Variants in MCF2L2 observed in about 807,000 individuals in gnomAD.
MCF2L2 encodes the protein probable guanine nucleotide exchange factor MCF2L2.
MCF2L2 carries 102 observed loss-of-function variants against 150.2 expected under a neutral mutation model. That is an observed-to-expected ratio of 0.68 (90% CI 0.58 to 0.80). The LOEUF (loss-of-function observed/expected upper bound fraction) is 0.80. MCF2L2 is among the 30% of genes least tolerant of loss of function. The probability of loss-of-function intolerance (pLI) is 0.00; values close to 1 mark genes in which losing one functional copy is unlikely to be tolerated. For missense variants in MCF2L2, 1,256 were observed against 1,372.8 expected, an observed-to-expected ratio of 0.91 and a Z score of 1.34; for synonymous variants, 465 against 491.3, an observed-to-expected ratio of 0.95 and a Z score of 0.71.
chr3:183,231,016 G>T lies in MCF2L2; in HGVS notation c.1864C>A (p.Arg622Ser), dbSNP rs752647498. 1 of 1,612,238 alleles carries T rather than the reference G, an allele frequency of 6.2e-7. No individual in the cohort carries two copies. The highest frequency in any genetic ancestry group is 1.7e-5 in the Admixed American group (1 of 59,998). ...GTCTCAAGCAAGTCACGTATAATGC[G>T]CCTGAATCACAGCAGCAGGTGGGAG... ...ARLGDLSPRR[R>S]IIRDLLETEE... The change falls in exon 16 of 30, where the codon CGC (arginine) becomes AGC (serine). Residue 622 changes from arginine to serine, a missense_variant and splice_region_variant. Coordinates refer to ENST00000328913, the MANE Select transcript of MCF2L2 (RefSeq NM_015078.4).
chr3:183,186,472 T>A (rs1261477022), intron 27 of MCF2L2, among the ~76,000 whole-genome samples: 1 of 151,658 alleles, frequency 6.6e-6, no homozygotes, highest in Non-Finnish European at 1.5e-5. Context: ...TGCCTGTAAA[T>A]CTCAGCACTT....
chr3:183,306,911 G>C (rs1229988098), intron 10 of MCF2L2, among the ~76,000 whole-genome samples: 1 of 152,208 alleles, frequency 6.6e-6, no homozygotes, highest in Non-Finnish European at 1.5e-5. Context: ...TGGCCCCTCA[G>C]CAAGGGTCTC....
chr3:183,425,394 G>A (rs16857463), intron 1 of MCF2L2, among the ~76,000 whole-genome samples: 4,852 of 152,138 alleles, frequency 0.032, 257 homozygotes, highest in African/African-American at 0.11. Flanking sequence ...GATAGGACCC[G>A]GAGAATGTTC....
chr3:183,225,813 C>A (rs1276640086), intron 18 of MCF2L2: 2 of 152,212 alleles, frequency 1.3e-5, no homozygotes, highest in Non-Finnish European at 2.9e-5. Context: ...GCACTTTTTA[C>A]TTTATGGAAT....
At position 183,300,214 on chromosome 3, in the gene MCF2L2, AC is replaced by A. The variant is rs1420003045; in HGVS notation, c.1114-19del. ...AGGGGCTCCTGCAAAGTGAACACCC[AC>A]AGCCAGGCGTCAGAAGTCAGAGCAT... is the stretch of plus-strand genomic sequence containing the variant. On this transcript the variant is annotated intron_variant, in intron 10 of 29. Coordinates refer to ENST00000328913, the MANE Select transcript of MCF2L2 (RefSeq NM_015078.4). The A allele has an allele frequency of 6.3e-7, 1 of 1,585,948 alleles. No individual in the cohort carries two copies. The highest frequency in any genetic ancestry group is 8.5e-7 in the Non-Finnish European group (1 of 1,170,030).
intron 13 of MCF2L2, among the ~76,000 whole-genome samples, chr3:183,291,594 C>T (rs1406057321): frequency 6.6e-6 from 1 of 152,222 alleles, no homozygotes; most frequent in African/African-American, 2.4e-5. Flanking sequence ...CCCCTCCACA[C>T]ATCTTCTTTA....
intron 13 of MCF2L2, among the ~76,000 whole-genome samples, chr3:183,293,282 A>T (rs1206323010): frequency 6.6e-6 from 1 of 152,236 alleles, no homozygotes; most frequent in African/African-American, 2.4e-5. Flanking sequence ...TAATTATAAA[A>T]GAGCTAATAT....
At chr3:183,233,398 ATGTG>A (rs940112425) in intron 15 of MCF2L2, among the ~76,000 whole-genome samples, 6 of 150,928 alleles carry the variant, frequency 4.0e-5, no homozygotes, top group East Asian at 1.9e-4. Context: ...AGATAGATAT[ATGTG>A]TGTGTGTGTG....
At chr3:183,226,877 A>G (rs1723363956) in intron 18 of MCF2L2, 1 of 152,224 alleles carries the variant, frequency 6.6e-6, no homozygotes. Flanking sequence ...TGAGTATAAA[A>G]TAGTTTTCAG....
intron 10 of MCF2L2, 27 bp downstream of exon 10, chr3:183,309,689 A>C: frequency 1.2e-6 from 2 of 1,613,986 alleles, no homozygotes; most frequent in Middle Eastern, 1.7e-4. Context: ...CCTCCCTCCC[A>C]GTACACAAAA....
At chr3:183,202,573 T>C (rs1722326990) in intron 25 of MCF2L2, among the ~76,000 whole-genome samples, 1 of 152,240 alleles carries the variant, frequency 6.6e-6, no homozygotes, top group African/African-American at 2.4e-5. Flanking sequence ...TGTGCCCTAA[T>C]GTGCACACAG....
At chr3:183,303,614 G>A (rs1447568291) in intron 10 of MCF2L2, among the ~76,000 whole-genome samples, 2 of 152,044 alleles carry the variant, frequency 1.3e-5, no homozygotes, top group East Asian at 3.9e-4. Context: ...AGGGACCGTC[G>A]CCTTCTTAAT....
At chr3:183,220,774 G>C (rs1723119639) in intron 20 of MCF2L2, among the ~76,000 whole-genome samples, 1 of 152,038 alleles carries the variant, frequency 6.6e-6, no homozygotes, top group African/African-American at 2.4e-5. Flanking sequence ...GATAACTAGA[G>C]GTGTAGAACT....
Position 183,358,927 on chromosome 3 carries a change from A to T in MCF2L2, c.276-17297T>A, listed in dbSNP as rs150287428. On this transcript the variant is annotated intron_variant, in intron 3 of 29. Transcript: ENST00000328913. Reference sequence around the variant, plus strand: ...TGATTACTACCATGCCTGGCCCAGAAATATAAGAAAAGATAACATTAAATG... The same window carrying T: ...TGATTACTACCATGCCTGGCCCAGATATATAAGAAAAGATAACATTAAATG... 8.3e-3 allele frequency among the ~76,000 whole-genome samples: 1,258 copies of T among 152,248 alleles called. 67 individuals carry two copies. The highest frequency in any genetic ancestry group is 0.077 in the Admixed American group (1,174 of 15,276).
intron 3 of MCF2L2, chr3:183,374,625 C>A (rs1713083179): frequency 6.7e-6 from 1 of 150,278 alleles, no homozygotes; most frequent in African/African-American, 2.5e-5. Flanking sequence ...CTGAGATTGC[C>A]CTGCCGCACT....
At chr3:183,196,580 G>A (rs536745031) in intron 25 of MCF2L2, among the ~76,000 whole-genome samples, 15 of 152,126 alleles carry the variant, frequency 9.9e-5, no homozygotes, top group African/African-American at 3.4e-4. Flanking sequence ...CCTGGTTCCC[G>A]CTCACTCACC....
intron 15 of MCF2L2, among the ~76,000 whole-genome samples, chr3:183,238,232 T>A (rs1288554152): frequency 4.0e-5 from 6 of 149,642 alleles, no homozygotes; most frequent in South Asian, 2.1e-4. Flanking sequence ...GTTATGAGAT[T>A]TTTTTTGCGA....
intron 2 of MCF2L2, among the ~76,000 whole-genome samples, chr3:183,388,131 A>G (rs1401643334): frequency 6.6e-6 from 1 of 152,148 alleles, no homozygotes; most frequent in East Asian, 1.9e-4. Flanking sequence ...AAAGGCCTCA[A>G]TAATACTCAA....
chr3:183,194,636 T>G (rs1722022168), intron 26 of MCF2L2, among the ~76,000 whole-genome samples: 1 of 152,152 alleles, frequency 6.6e-6, no homozygotes. Context: ...AACTGGCAGA[T>G]CTACCTCAAC....
Sources: allele counts gnomAD v4.1 joint callset (sites outside exome capture counted in the v4.1 genomes callset), GRCh38; gene constraint gnomAD v4.1.1; transcripts MANE v1.5; gene names NCBI Gene and HGNC (gene_info 2026-07-23, HGNC 2026-07-21).